The following AFAP1L2 variants were observed in gnomAD, a reference collection of about 807,000 sequenced individuals.
AFAP1L2 encodes the protein actin filament associated protein 1 like 2, also known as actin filament-associated protein 1-like 2.
A neutral mutation model predicts 99.3 loss-of-function variants in AFAP1L2; 46 were observed. The ratio of observed to expected loss-of-function variants is 0.46; its 90% CI spans 0.37 to 0.59. AFAP1L2 has a LOEUF of 0.59. Among genes scored for constraint, AFAP1L2 ranks in the 20% least tolerant of loss-of-function variants. The pLI is 0.00. For synonymous variants in AFAP1L2, 397 were observed against 419.1 expected, an observed-to-expected ratio of 0.95 and a Z score of 0.64; for missense variants, 959 against 1,034.9, an observed-to-expected ratio of 0.93 and a Z score of 1.01.
At chr10:114,384,177 C>G (rs934385678) in intron 1 of AFAP1L2, among the ~76,000 whole-genome samples, 1 of 152,202 alleles carries the variant, frequency 6.6e-6, no homozygotes, top group African/African-American at 2.4e-5. Context: ...GAAGGCAGTG[C>G]GTGAGAGGCA....
rs552493705 is a variant in AFAP1L2 at position 114,377,439 on chromosome 10, G to A, written c.16+27001C>T. ...AAGAAGTCACCACTGTACCCATCAA[G>A]TTGTGGTGGGGTGGTGGATGGGAGG... On this transcript the variant is annotated intron_variant, in intron 1 of 18. Coordinates refer to ENST00000304129, the MANE Select transcript of AFAP1L2 (RefSeq NM_001001936.3). The surrounding 1 kb of genome is among the most constrained non-coding windows in gnomAD (Gnocchi z 4.0). 6.6e-6 allele frequency among the ~76,000 whole-genome samples: 1 copy of A among 152,364 alleles called. No homozygotes were observed. The highest frequency in any genetic ancestry group is 2.4e-5 in the African/African-American group (1 of 41,580).
chr10:114,335,470 A>G (rs1026762911), intron 2 of AFAP1L2, among the ~76,000 whole-genome samples: 2 of 152,030 alleles, frequency 1.3e-5, no homozygotes, highest in African/African-American at 2.4e-5. Flanking sequence ...AAAATTAGCC[A>G]GGTGTAGTGG....
At position 114,295,359 on chromosome 10, in the gene AFAP1L2, A is replaced by AAAGAC; in HGVS notation, c.*678_*682dup. Reference sequence around the variant, plus strand: ...TACAGCATCACTTAAAATTTTATTTAAAGACAGTTGATTCAGGCCTGCCTT... The same window carrying AAAGAC: ...TACAGCATCACTTAAAATTTTATTTAAAGACAAGACAGTTGATTCAGGCCTGCCTT... On this transcript the variant is annotated 3_prime_UTR_variant, in exon 19 of 19. Transcript: ENST00000304129. The AAAGAC allele has an allele frequency of 1.0e-6, 1 of 985,538 alleles. No individual in the cohort carries two copies. The highest frequency in any genetic ancestry group is 1.2e-6 in the Non-Finnish European group (1 of 829,622). The allele number at this position is 985,538 out of a possible 1,614,324, so 61.0% of individuals were successfully genotyped here.
chr10:114,357,032 C>T (rs1931668), intron 1 of AFAP1L2, among the ~76,000 whole-genome samples: 149,174 of 152,346 alleles, frequency 0.98, 73,120 homozygotes, highest in East Asian at 1. Context: ...CTTGAAGCCC[C>T]ATTATATAAA....
At chr10:114,323,287 C>A in intron 4 of AFAP1L2, 26 bp from the exon 5 acceptor site, 1 of 1,562,948 alleles carries the variant, frequency 6.4e-7, no homozygotes, top group Non-Finnish European at 8.7e-7. Context: ...ATAAGACAAA[C>A]GTTTGCAGAT....
At chr10:114,318,201 T>A (rs2044455022) in intron 5 of AFAP1L2, among the ~76,000 whole-genome samples, 1 of 152,196 alleles carries the variant, frequency 6.6e-6, no homozygotes. Flanking sequence ...ATCTGTATAA[T>A]AAGCGACATT....
chr10:114,392,289 C>T (rs1283804514), intron 1 of AFAP1L2, among the ~76,000 whole-genome samples: 1 of 152,162 alleles, frequency 6.6e-6, no homozygotes, highest in Non-Finnish European at 1.5e-5. Flanking sequence ...GCTCAGGAGA[C>T]TGAGTCAGAG....
intron 2 of AFAP1L2, among the ~76,000 whole-genome samples, chr10:114,334,315 G>C (rs537388027): frequency 1.3e-5 from 2 of 152,318 alleles, no homozygotes; most frequent in East Asian, 3.9e-4. Context: ...TTCAGAGGAA[G>C]CTCATTCTAG....
chr10:114,350,380 G>A (rs2050279849), intron 1 of AFAP1L2, among the ~76,000 whole-genome samples: 1 of 152,206 alleles, frequency 6.6e-6, no homozygotes. Context: ...AAATGAAATT[G>A]AAACTTCTGT....
the AFAP1L2 span, among the ~76,000 whole-genome samples, chr10:114,282,947 T>G: frequency 6.6e-6 from 1 of 152,140 alleles, no homozygotes; most frequent in Non-Finnish European, 1.5e-5. Flanking sequence ...GAAGCCCATT[T>G]CCCTCCTCCA....
chr10:114,282,705 G>C, the AFAP1L2 span: 239 of 719,112 alleles, frequency 3.3e-4, no homozygotes, highest in Non-Finnish European at 4.9e-4. Flanking sequence ...GGGGCACTTG[G>C]GGGGCAGAGG....
chr10:114,399,027 G>C (rs982231022), intron 1 of AFAP1L2: 65 of 751,226 alleles, frequency 8.7e-5, no homozygotes, highest in Non-Finnish European at 1.1e-4. Flanking sequence ...AACCAGGTCT[G>C]TTCTCCAGAG....
chr10:114,353,179 C>T (rs978176581), intron 1 of AFAP1L2, among the ~76,000 whole-genome samples: 8 of 152,170 alleles, frequency 5.3e-5, no homozygotes, highest in African/African-American at 1.9e-4. Context: ...AGGAAGTGGG[C>T]TTTTCCTTCC....
intron 10 of AFAP1L2, among the ~76,000 whole-genome samples, chr10:114,307,068 A>G (rs1250152071): frequency 6.6e-6 from 1 of 152,202 alleles, no homozygotes; most frequent in Non-Finnish European, 1.5e-5. Flanking sequence ...CTTGGGGATC[A>G]AGATACCAGG....
intron 1 of AFAP1L2, among the ~76,000 whole-genome samples, chr10:114,397,377 A>G (rs1194597553): frequency 6.6e-6 from 1 of 152,218 alleles, no homozygotes; most frequent in Non-Finnish European, 1.5e-5. Context: ...GAATAGCAGT[A>G]TGCTTCTTTC....
chr10:114,368,703 C>T (rs1017305819), intron 1 of AFAP1L2, among the ~76,000 whole-genome samples: 2 of 151,744 alleles, frequency 1.3e-5, no homozygotes, highest in Non-Finnish European at 2.9e-5. Context: ...GCATGAACCA[C>T]CACACCCAGC....
rs747277134 is a variant in AFAP1L2, at chr10:114,382,588, C to CTTCTTT, written c.16+21851_16+21852insAAAGAA. Among the ~76,000 whole-genome samples, 829 of 92,956 alleles carry CTTCTTT rather than the reference C, an allele frequency of 8.9e-3. 53 individuals are homozygous for CTTCTTT. Among genetic ancestry groups the CTTCTTT allele is most frequent in the Non-Finnish European group, 0.011 (509 of 46,610 alleles). The allele number at this position is 92,956 out of a possible 152,430, so 61.0% of individuals were successfully genotyped here. A position where few individuals can be genotyped will look rare whatever the true frequency, so the allele number is the denominator to read the frequency against. On this transcript the variant is annotated intron_variant, in intron 1 of 18. Transcript: ENST00000304129. Reference sequence around the variant, plus strand: ...CAATGATATTATGTATATTTCTTCTCTTTTTTTTTTTTTTTTTTTTTTGAG... The same window carrying CTTCTTT: ...CAATGATATTATGTATATTTCTTCTCTTCTTTTTTTTTTTTTTTTTTTTTTTTTGAG...
In AFAP1L2 at chr10:114,315,734, C is replaced by T; in HGVS notation, c.438G>A (p.Glu146=). ...TGCTGCCGTCCTCTTCATCGTAGGA[C>T]TCGTAGGAGCTGCTCACAGCCTCTC... is the stretch of plus-strand genomic sequence containing the variant. ...EDGEAVSSSY[E]SYDEEDGSKG... The change falls in exon 6 of 19, where the codon GAG becomes GAA. Residue 146 remains glutamate, a synonymous_variant. Coordinates refer to ENST00000304129, the MANE Select transcript of AFAP1L2 (RefSeq NM_001001936.3). 1 of 1,613,110 alleles carries T rather than the reference C, an allele frequency of 6.2e-7. No homozygotes were observed. Among genetic ancestry groups the T allele is most frequent in the Non-Finnish European group, 8.5e-7 (1 of 1,179,876 alleles).
At chr10:114,392,006 C>T (rs1175973552) in intron 1 of AFAP1L2, among the ~76,000 whole-genome samples, 1 of 152,198 alleles carries the variant, frequency 6.6e-6, no homozygotes, top group Admixed American at 6.5e-5. Context: ...CACTCAAGGA[C>T]AGGTCCTGGT....
Sources: gnomAD v4.1 joint callset for allele counts (sites outside exome capture counted in the v4.1 genomes callset) on GRCh38, gnomAD v4.1.1 for gene constraint, Gnocchi (gnomAD v3.1) non-coding constraint, MANE v1.5 for transcripts, NCBI Gene and HGNC (gene_info 2026-07-23, HGNC 2026-07-21) for gene names.